Variants in KCNH5 observed in about 807,000 individuals in gnomAD.
KCNH5 encodes the protein voltage-gated delayed rectifier potassium channel KCNH5.
In KCNH5, 46 loss-of-function variants were observed where a neutral mutation model predicts 96.1. The observed-to-expected ratio is 0.48, with a 90% CI of 0.38 to 0.61. The LOEUF (loss-of-function observed/expected upper bound fraction) is 0.61. Ranked by LOEUF, KCNH5 falls within the 20% of genes least tolerant of loss-of-function variation. The pLI, the probability that KCNH5 is intolerant of heterozygous loss-of-function variation, is 0.00. For synonymous variants in KCNH5, 439 were observed against 449.8 expected (o/e 0.98, Z 0.30); for missense variants, 907 against 1,225.8 (o/e 0.74, Z 3.88).
intron 8 of KCNH5, among the ~76,000 whole-genome samples, chr14:62,840,568 T>TTTTTTTTTTTTTTTTTTTTTTTTTTTTC: frequency 2.4e-5 from 1 of 42,104 alleles, no homozygotes; most frequent in Non-Finnish European, 3.9e-5. Context: ...TTTTTTTTCT[T>TTTTTTTTTTTTTTTTTTTTTTTTTTTTC]TTTTTTTTTT....
rs139316152 is a variant in KCNH5 at position 62,748,780 on chromosome 14, A to G, written c.2019+30948T>C. Among the ~76,000 whole-genome samples, 12 of 152,276 alleles carry G rather than the reference A, an allele frequency of 7.9e-5. No individual in the cohort carries two copies. The East Asian group carries it at 2.3e-3, about 29-fold the overall frequency. ...AAAAAAATCTTCCAATATCTGGAAG[A>G]TTAATAAGTGTCCAATTTAAGAAAG... is the stretch of plus-strand genomic sequence containing the variant. On this transcript the variant is annotated intron_variant, in intron 10 of 10. Coordinates refer to ENST00000322893, the MANE Select transcript of KCNH5 (RefSeq NM_139318.5).
At chr14:63,006,642 G>A (rs1891134037) in intron 2 of KCNH5, among the ~76,000 whole-genome samples, 170 bp from the exon 3 acceptor site, 1 of 152,310 alleles carries the variant, frequency 6.6e-6, no homozygotes, top group Middle Eastern at 3.4e-3. Flanking sequence ...CACAGTTCCT[G>A]TATGCACAGA....
At chr14:62,854,794 G>C (rs1887897939) in intron 7 of KCNH5, among the ~76,000 whole-genome samples, 1 of 151,364 alleles carries the variant, frequency 6.6e-6, no homozygotes. Flanking sequence ...GCCTTACATA[G>C]AAAGTCTTAT....
intron 1 of KCNH5, among the ~76,000 whole-genome samples, chr14:63,039,572 C>T (rs138970592): frequency 9.9e-4 from 151 of 152,064 alleles, no homozygotes; most frequent in African/African-American, 3.6e-3. Flanking sequence ...TTCTGCAAGA[C>T]TTTATATTTC....
chr14:62,968,930 T>C (rs1390404173), intron 6 of KCNH5, among the ~76,000 whole-genome samples: 1 of 152,198 alleles, frequency 6.6e-6, no homozygotes, highest in Non-Finnish European at 1.5e-5. Context: ...ACACACCTTC[T>C]CTGAGCCTAT....
intron 6 of KCNH5, among the ~76,000 whole-genome samples, chr14:62,959,828 C>T (rs1257650411): frequency 1.3e-5 from 2 of 152,152 alleles, no homozygotes; most frequent in African/African-American, 4.8e-5. Flanking sequence ...CCACTGTCAT[C>T]ACCTTAGATC....
rs990084798 is a variant in KCNH5, at chr14:62,705,454, A to T, written c.*2054T>A. The T allele has an allele frequency of 2.6e-5, 4 of 152,066 alleles. No homozygotes were observed. Among genetic ancestry groups the T allele is most frequent in the African/African-American group, 9.6e-5 (4 of 41,456 alleles). 9.4% of individuals were successfully genotyped at this position (152,066 alleles called of 1,614,324 possible). On this transcript the variant is annotated 3_prime_UTR_variant, in exon 11 of 11. Coordinates refer to ENST00000322893, the MANE Select transcript of KCNH5 (RefSeq NM_139318.5). ...AAAAAGATATCATCCTCACCATGAAAGCAACAAAATTCCAATTTCAAGGCT... is the reference window on the plus strand; with the variant it reads ...AAAAAGATATCATCCTCACCATGAATGCAACAAAATTCCAATTTCAAGGCT...
intron 10 of KCNH5, among the ~76,000 whole-genome samples, chr14:62,760,801 T>C (rs1189541981): frequency 6.6e-6 from 1 of 152,202 alleles, no homozygotes; most frequent in African/African-American, 2.4e-5. Context: ...ATCTGTGAAA[T>C]GCACCTCCCA....
chr14:62,730,458 T>C (rs144551342), intron 10 of KCNH5, among the ~76,000 whole-genome samples: 1 of 152,320 alleles, frequency 6.6e-6, no homozygotes, highest in East Asian at 1.9e-4. Flanking sequence ...AAATCAATAA[T>C]TTTACAGCAG....
At chr14:62,720,129 C>T (rs930465621) in intron 10 of KCNH5, among the ~76,000 whole-genome samples, 1 of 152,114 alleles carries the variant, frequency 6.6e-6, no homozygotes, top group African/African-American at 2.4e-5. Flanking sequence ...GAAGTGGGCC[C>T]TGGAGAGGGC....
At chr14:62,902,227 T>TCGC (rs1888942198) in intron 7 of KCNH5, among the ~76,000 whole-genome samples, 1 of 137,216 alleles carries the variant, frequency 7.3e-6, no homozygotes, top group Non-Finnish European at 1.6e-5. Context: ...TTAGTTCCCA[T>TCGC]GTGTCAATTT....
At chr14:62,880,391 A>G (rs541970515) in intron 7 of KCNH5, among the ~76,000 whole-genome samples, 5 of 152,370 alleles carry the variant, frequency 3.3e-5, no homozygotes, top group African/African-American at 1.2e-4. Context: ...TTAGTTTTTC[A>G]AAGAAGAAAA....
chr14:62,811,459 A>G (rs1886871444), intron 8 of KCNH5, among the ~76,000 whole-genome samples: 1 of 152,060 alleles, frequency 6.6e-6, no homozygotes, highest in South Asian at 2.1e-4. Context: ...TTTCCTTTTT[A>G]CTGGCATGTC....
intron 7 of KCNH5, among the ~76,000 whole-genome samples, chr14:62,884,496 T>C (rs1301047487): frequency 6.6e-6 from 1 of 152,078 alleles, no homozygotes; most frequent in Admixed American, 6.6e-5. Flanking sequence ...TGTGGCAGTA[T>C]GCGCCTGTCA....
chr14:62,780,898 G>A lies in KCNH5; in HGVS notation c.1823-974C>T, dbSNP rs1352920736. 3.3e-5 allele frequency among the ~76,000 whole-genome samples: 5 copies of A among 152,058 alleles called. No individual in the cohort carries two copies. In the South Asian group the frequency reaches 8.3e-4, roughly 25 times the overall value. The stretch of plus-strand genomic sequence containing the variant: ...AGACAGGGGGAATATATCCAGGAGG[G>A]AAACATCTTCCTAGAGGCACTCTGT... On this transcript the variant is annotated intron_variant, in intron 9 of 10. Coordinates refer to ENST00000322893, the MANE Select transcript of KCNH5 (RefSeq NM_139318.5).
intron 7 of KCNH5, among the ~76,000 whole-genome samples, chr14:62,928,491 T>A (rs936734101): frequency 2.0e-5 from 3 of 152,112 alleles, no homozygotes; most frequent in Non-Finnish European, 4.4e-5. Flanking sequence ...GCATTTTATA[T>A]GAATTAATTT....
At chr14:62,752,277 C>T (rs1885517991) in intron 10 of KCNH5, among the ~76,000 whole-genome samples, 2 of 151,994 alleles carry the variant, frequency 1.3e-5, no homozygotes, top group South Asian at 4.1e-4. Flanking sequence ...GACAACAAAA[C>T]ATGCAGATCC....
At chr14:62,844,348 T>C (rs1258557550) in intron 8 of KCNH5, among the ~76,000 whole-genome samples, 1 of 152,232 alleles carries the variant, frequency 6.6e-6, no homozygotes, top group African/African-American at 2.4e-5. Flanking sequence ...TACACATTGT[T>C]TTACAGGTCT....
At chr14:62,849,983 T>C in intron 7 of KCNH5, 131 bp from the exon 8 acceptor site, 2 of 690,158 alleles carry the variant, frequency 2.9e-6, no homozygotes, top group Non-Finnish European at 4.9e-6. Flanking sequence ...TGTTGAACTC[T>C]GAGAAGACTG....
Sources: gnomAD v4.1 joint callset for allele counts (sites outside exome capture counted in the v4.1 genomes callset) on GRCh38, gnomAD v4.1.1 for gene constraint, MANE v1.5 for transcripts, NCBI Gene and HGNC (gene_info 2026-07-23, HGNC 2026-07-21) for gene names.